Variants in ANK3 observed in about 807,000 individuals in gnomAD.
The protein encoded by ANK3 is ankyrin-3.
Under a neutral mutation model 370.9 loss-of-function variants are expected in ANK3, and 57 were observed. The observed-to-expected ratio is 0.15, with a 90% CI of 0.12 to 0.19. ANK3 has a LOEUF of 0.19. Among genes scored for constraint, ANK3 ranks in the 10% least tolerant of loss-of-function variants. The pLI is 1.00. For missense variants in ANK3, 4,439 were observed against 5,302.1 expected, an observed-to-expected ratio of 0.84 and a Z score of 5.06; for synonymous variants, 1,929 against 1,946.3, an observed-to-expected ratio of 0.99 and a Z score of 0.23.
intron 2 of ANK3, among the ~76,000 whole-genome samples, chr10:60,612,199 G>A (rs1183129026): frequency 6.6e-6 from 1 of 152,138 alleles, no homozygotes; most frequent in Non-Finnish European, 1.5e-5. Flanking sequence ...GGCTGAGTGG[G>A]TGCCAAGCAG....
At chr10:60,109,385 C>CA (rs2092503574) in intron 26 of ANK3, among the ~76,000 whole-genome samples, 1 of 152,082 alleles carries the variant, frequency 6.6e-6, no homozygotes, top group African/African-American at 2.4e-5. Flanking sequence ...GCATTTAAAA[C>CA]AAAAAAACTG....
At position 60,088,373 on chromosome 10, in the gene ANK3, G is replaced by A. The variant is rs774352452; in HGVS notation, c.3329-15C>T. 1 of 1,605,314 alleles carries A rather than the reference G, an allele frequency of 6.2e-7. No homozygotes were observed. The highest frequency in any genetic ancestry group is 1.1e-5 in the South Asian group (1 of 90,786). ...GCTATCAAGTTCTGAAAAGACAAATGAAAGAAAATGCCATGAGAATAAGCA... is the reference window on the plus strand; with the variant it reads ...GCTATCAAGTTCTGAAAAGACAAATAAAAGAAAATGCCATGAGAATAAGCA... On this transcript the variant is annotated splice_polypyrimidine_tract_variant and intron_variant, in intron 28 of 43. Coordinates refer to ENST00000280772, the MANE Select transcript of ANK3 (RefSeq NM_020987.5).
intron 18 of ANK3, among the ~76,000 whole-genome samples, chr10:60,175,039 G>A (rs1242840156): frequency 6.6e-6 from 1 of 152,070 alleles, no homozygotes; most frequent in African/African-American, 2.4e-5. Flanking sequence ...TAATGCACAG[G>A]TTCTATTCAT....
intron 1 of ANK3, among the ~76,000 whole-genome samples, chr10:60,321,304 C>T (rs1279763642): frequency 1.3e-5 from 2 of 151,682 alleles, no homozygotes; most frequent in Non-Finnish European, 2.9e-5. Flanking sequence ...TGGAGGATCA[C>T]TTGAACTTGG....
At chr10:60,251,278 G>T (rs1350608449) in intron 7 of ANK3, among the ~76,000 whole-genome samples, 1 of 152,132 alleles carries the variant, frequency 6.6e-6, no homozygotes, top group South Asian at 2.1e-4. Context: ...GCTCTCTGGG[G>T]TGCATTGCTG....
intron 9 of ANK3, among the ~76,000 whole-genome samples, chr10:60,211,918 A>T (rs1300674665): frequency 6.6e-6 from 1 of 151,644 alleles, no homozygotes; most frequent in Non-Finnish European, 1.5e-5. Flanking sequence ...AAAAAAGGAA[A>T]AAAAGGAAAT....
chr10:60,684,147 TGAA>T (rs1388910632), intron 1 of ANK3, among the ~76,000 whole-genome samples: 1 of 152,156 alleles, frequency 6.6e-6, no homozygotes, highest in African/African-American at 2.4e-5. Context: ...AAAGAAAACA[TGAA>T]TAATAATTAT....
chr10:60,589,854 C>A (rs1215175643), intron 2 of ANK3, among the ~76,000 whole-genome samples: 8 of 152,142 alleles, frequency 5.3e-5, no homozygotes, highest in Non-Finnish European at 1.5e-5. Flanking sequence ...TGCTAAATTG[C>A]GATTGGTTTT....
intron 2 of ANK3, among the ~76,000 whole-genome samples, chr10:60,461,321 T>C (rs1180415222): frequency 2.6e-5 from 4 of 152,130 alleles, no homozygotes; most frequent in Admixed American, 1.3e-4. Flanking sequence ...CAAATAATAA[T>C]AATTAAGATT....
At chr10:60,714,936 A>G (rs946301532) in intron 1 of ANK3, among the ~76,000 whole-genome samples, 1 of 152,304 alleles carries the variant, frequency 6.6e-6, no homozygotes, top group Admixed American at 6.5e-5. Flanking sequence ...GTCAAAACTC[A>G]TAGAACTGTA....
Position 60,072,309 on chromosome 10 carries a change from A to T in ANK3, c.8572T>A (p.Ser2858Thr). 6.2e-7 allele frequency: 1 copy of T among 1,613,854 alleles called. No homozygotes were observed. The highest frequency in any genetic ancestry group is 8.5e-7 in the Non-Finnish European group (1 of 1,179,964). The change falls in exon 37 of 44, where the codon TCG becomes ACG. Residue 2858 changes from serine to threonine, a missense_variant. Ser to Thr is a moderately conservative substitution (Grantham distance 58). This residue lies in a region of ANK3 where 1,601 missense variants were observed against 1,731.7 expected (regional missense o/e 0.92). Coordinates refer to ENST00000280772, the MANE Select transcript of ANK3 (RefSeq NM_020987.5). Reference sequence around the variant, plus strand: ...TGAGACTTATTGTTAGTGGCTCCCGAACTCTCCCATGTTCTAAAGACCTTT... The same window carrying T: ...TGAGACTTATTGTTAGTGGCTCCCGTACTCTCCCATGTTCTAAAGACCTTT... ...DKKVFRTWES[S>T]GATNNKSQKE...
chr10:60,645,252 A>G (rs1017413425), intron 1 of ANK3, among the ~76,000 whole-genome samples: 1 of 152,214 alleles, frequency 6.6e-6, no homozygotes, highest in African/African-American at 2.4e-5. Context: ...ATGTGCAAAC[A>G]TTCTATTAAA....
At chr10:60,511,394 T>G (rs1339166755) in intron 2 of ANK3, among the ~76,000 whole-genome samples, 1 of 152,142 alleles carries the variant, frequency 6.6e-6, no homozygotes, top group Non-Finnish European at 1.5e-5. Flanking sequence ...TCCAAATAAT[T>G]GTAGAATTGT....
intron 2 of ANK3, among the ~76,000 whole-genome samples, chr10:60,444,452 A>G (rs1476619561): frequency 6.6e-6 from 1 of 150,418 alleles, no homozygotes; most frequent in Non-Finnish European, 1.5e-5. Flanking sequence ...GTGTATATAT[A>G]TATATATATA....
chr10:60,268,788 T>C (rs777604330), intron 5 of ANK3, among the ~76,000 whole-genome samples: 2 of 152,120 alleles, frequency 1.3e-5, no homozygotes, highest in Non-Finnish European at 2.9e-5. Context: ...TGTAGGAAAG[T>C]TCTGGTTTCC....
intron 2 of ANK3, among the ~76,000 whole-genome samples, chr10:60,607,848 G>A (rs1257924688): frequency 6.6e-6 from 1 of 152,198 alleles, no homozygotes; most frequent in Admixed American, 6.5e-5. Context: ...CCAAAAACCA[G>A]AGAATGGTCA....
intron 23 of ANK3, among the ~76,000 whole-genome samples, chr10:60,146,504 T>G (rs1022848553): frequency 5.3e-5 from 8 of 152,196 alleles, no homozygotes; most frequent in Admixed American, 5.2e-4. Context: ...TCTTCTTTCT[T>G]TGGAGACACA....
intron 1 of ANK3, among the ~76,000 whole-genome samples, chr10:60,341,709 T>G (rs557348061): frequency 2.0e-5 from 3 of 152,256 alleles, no homozygotes; most frequent in African/African-American, 7.2e-5. Flanking sequence ...GCATAGTGCT[T>G]TAAAGAGAGT....
At chr10:60,061,889 T>C (rs2080556219) in intron 40 of ANK3, 1 of 152,218 alleles carries the variant, frequency 6.6e-6, no homozygotes, top group Non-Finnish European at 1.5e-5. Flanking sequence ...AATCTAACTT[T>C]GCCAGTTTAA....
Sources: gnomAD v4.1 joint callset for allele counts (sites outside exome capture counted in the v4.1 genomes callset) on GRCh38, gnomAD v4.1.1 for gene constraint, gnomAD v4.1.1 regional missense constraint, MANE v1.5 for transcripts, NCBI Gene and HGNC (gene_info 2026-07-23, HGNC 2026-07-21) for gene names.